The following PLEKHH2 variants were observed in gnomAD, a reference collection of about 807,000 sequenced individuals.
The protein encoded by PLEKHH2 is pleckstrin homology domain-containing family H member 2.
Under a neutral mutation model 187.9 loss-of-function variants are expected in PLEKHH2, and 129 were observed. That is an observed-to-expected ratio of 0.69 (90% CI 0.59 to 0.79). The LOEUF is 0.79. Among genes scored for constraint, PLEKHH2 ranks in the 30% least tolerant of loss-of-function variants. The pLI is 0.00. For missense variants in PLEKHH2, 2,076 were observed against 1,751.2 expected, an observed-to-expected ratio of 1.19 and a Z score of -3.31; for synonymous variants, 686 against 605.6, an observed-to-expected ratio of 1.13 and a Z score of -1.95.
At chr2:43,665,819 C>T (rs2104387264) in intron 2 of PLEKHH2, among the ~76,000 whole-genome samples, 1 of 135,426 alleles carries the variant, frequency 7.4e-6, no homozygotes, top group Middle Eastern at 3.6e-3. Context: ...CTTGAGGAGG[C>T]AGTCTGCCCG....
Position 43,678,895 on chromosome 2 carries a change from T to C in PLEKHH2, c.156T>C (p.Ala52=). The change falls in exon 3 of 30, where the codon GCT becomes GCC. Residue 52 remains alanine (A), a synonymous_variant. Transcript: ENST00000282406. ...MQQLERQVID[A]ERQAEKAFQQ... is the part of the protein sequence containing the mutation. ...AGCTTGAGAGACAAGTTATTGATGC[T>C]GAACGTCAAGCAGAAAAAGCTTTTC... The C allele has an allele frequency of 6.2e-7, 1 of 1,608,460 alleles. No individual in the cohort carries two copies. The highest frequency in any genetic ancestry group is 8.5e-7 in the Non-Finnish European group (1 of 1,176,312).
intron 24 of PLEKHH2, among the ~76,000 whole-genome samples, chr2:43,752,192 G>C (rs1195979669): frequency 6.6e-6 from 1 of 152,096 alleles, no homozygotes; most frequent in African/African-American, 2.4e-5. Context: ...AAAAAGAAAG[G>C]CTTTCATCTT....
At chr2:43,660,491 T>C (rs553299956) in intron 2 of PLEKHH2, among the ~76,000 whole-genome samples, 1 of 146,348 alleles carries the variant, frequency 6.8e-6, no homozygotes, top group African/African-American at 2.7e-5. Flanking sequence ...TTTTATACTT[T>C]AAGTTTTAGG....
chr2:43,733,861 C>T (rs182326916), intron 19 of PLEKHH2, among the ~76,000 whole-genome samples: 1 of 152,200 alleles, frequency 6.6e-6, no homozygotes, highest in East Asian at 1.9e-4. Context: ...AAAATACCCA[C>T]CTGTAGAGTA....
Position 43,678,988 on chromosome 2 carries a change from T to G in PLEKHH2, c.186+63T>G, listed in dbSNP as rs1337440855. The G allele has an allele frequency of 3.1e-5, 36 of 1,148,584 alleles. No individual in the cohort carries two copies. In the South Asian group the frequency reaches 4.5e-4, roughly 14 times the overall value. The allele number at this position is 1,148,584 out of a possible 1,614,324, so 71.1% of individuals were successfully genotyped here. On this transcript the variant is annotated intron_variant, in intron 3 of 29. Coordinates refer to ENST00000282406, the MANE Select transcript of PLEKHH2 (RefSeq NM_172069.4). ...ACTACTCACATAAAGATTGTTTTGCTCATAATGGAAAGACAATTATCAGCC... is the reference window on the plus strand; with the variant it reads ...ACTACTCACATAAAGATTGTTTTGCGCATAATGGAAAGACAATTATCAGCC...
chr2:43,703,707 A>G (rs538079191), intron 8 of PLEKHH2, among the ~76,000 whole-genome samples: 15 of 141,878 alleles, frequency 1.1e-4, no homozygotes, highest in African/African-American at 4.4e-4. Flanking sequence ...GCTTTCTCTT[A>G]CTTTTTCTTC....
chr2:43,765,465 A>C lies in PLEKHH2; in HGVS notation c.4349A>C (p.Gln1450Pro). The C allele has an allele frequency of 1.2e-6, 2 of 1,614,138 alleles. No individual in the cohort carries two copies. The highest frequency in any genetic ancestry group is 1.7e-6 in the Non-Finnish European group (2 of 1,179,998). The stretch of plus-strand genomic sequence containing the variant: ...AGTTACATAAACAACTTCCATCAGC[A>C]AAAGGCAGCATTTCACCACCTCTCT... ...IASYINNFHQ[Q>P]KAAFHHLSAP... Residue 1450 changes from glutamine to proline, a missense_variant, in exon 30 of 30, where the codon CAA becomes CCA. Physicochemically the swap from Gln to Pro is moderately conservative, Grantham distance 76. Transcript: ENST00000282406.
At position 43,765,624 on chromosome 2, in the gene PLEKHH2, C is replaced by G. The variant is rs764470249; in HGVS notation, c.*26C>G. On this transcript the variant is annotated 3_prime_UTR_variant, in exon 30 of 30. Coordinates refer to ENST00000282406, the MANE Select transcript of PLEKHH2 (RefSeq NM_172069.4). ...AAGCTGGGGAGCCTGAACATTCACT[C>G]CTTGTCCTCCATGCTGTGGCTGTAT... 1 of 1,604,940 alleles carries G rather than the reference C, an allele frequency of 6.2e-7. No individual in the cohort carries two copies. Among genetic ancestry groups the G allele is most frequent in the South Asian group, 1.1e-5 (1 of 89,636 alleles).
intron 26 of PLEKHH2, 38 bp downstream of exon 26, chr2:43,757,302 A>C (rs529845402): frequency 3.6e-6 from 5 of 1,391,960 alleles, no homozygotes; most frequent in Non-Finnish European, 4.7e-6. Flanking sequence ...GGGTAGGGTC[A>C]TACTAGTTTT....
intron 19 of PLEKHH2, among the ~76,000 whole-genome samples, chr2:43,733,535 T>C (rs1671148925): frequency 6.6e-6 from 1 of 152,168 alleles, no homozygotes; most frequent in African/African-American, 2.4e-5. Flanking sequence ...TCTTTTGGCT[T>C]TGTCTTGCCT....
intron 15 of PLEKHH2, among the ~76,000 whole-genome samples, chr2:43,720,179 A>G (rs11885893): frequency 0.2 from 29,889 of 152,136 alleles, 3,467 homozygotes; most frequent in Non-Finnish European, 0.26. Context: ...GTGAAACCTC[A>G]GTCCTAGGCA....
chr2:43,740,350 A>G (rs12712896), intron 20 of PLEKHH2, among the ~76,000 whole-genome samples: 16,095 of 152,240 alleles, frequency 0.11, 1,118 homozygotes, highest in African/African-American at 0.2. Context: ...AGCATTAACC[A>G]CCATGTTCTT....
chr2:43,735,605 C>T (rs900523075), intron 19 of PLEKHH2, among the ~76,000 whole-genome samples: 3 of 152,104 alleles, frequency 2.0e-5, no homozygotes, highest in African/African-American at 7.2e-5. Context: ...AAAGAAATTA[C>T]AAATGTTAGA....
chr2:43,685,681 A>G (rs980214199), intron 3 of PLEKHH2, among the ~76,000 whole-genome samples: 3 of 151,698 alleles, frequency 2.0e-5, no homozygotes, highest in Non-Finnish European at 4.4e-5. Context: ...AGCTCAAGCA[A>G]TCCTCCAGCC....
At chr2:43,641,417 G>T (rs757982941) in intron 1 of PLEKHH2, among the ~76,000 whole-genome samples, 2 of 151,956 alleles carry the variant, frequency 1.3e-5, no homozygotes, top group Non-Finnish European at 2.9e-5. Flanking sequence ...TGGCCTGCAG[G>T]CCACAGGCAG....
intron 2 of PLEKHH2, among the ~76,000 whole-genome samples, chr2:43,651,815 G>T (rs1037059874): frequency 6.6e-6 from 1 of 152,166 alleles, no homozygotes; most frequent in Non-Finnish European, 1.5e-5. Context: ...GTATTTGAAA[G>T]TTCCTGGTTC....
chr2:43,706,255 A>T (rs946312850), intron 9 of PLEKHH2, 67 bp from the exon 10 acceptor site: 1 of 1,082,146 alleles, frequency 9.2e-7, no homozygotes, highest in African/African-American at 1.6e-5. Context: ...ATTTGTATTC[A>T]TAAGAAAAAG....
intron 16 of PLEKHH2, 32 bp from the exon 17 acceptor site, chr2:43,726,240 G>GCCTT: frequency 6.9e-7 from 1 of 1,458,930 alleles, no homozygotes; most frequent in Non-Finnish European, 9.5e-7. Context: ...TTTAGAAAAT[G>GCCTT]CCTTCCTCAC....
At chr2:43,666,206 C>G (rs1269619063) in intron 2 of PLEKHH2, among the ~76,000 whole-genome samples, 1 of 150,356 alleles carries the variant, frequency 6.7e-6, no homozygotes, top group African/African-American at 2.5e-5. Flanking sequence ...GTCTGAAAAG[C>G]GCAGTATTCG....
Sources: gnomAD v4.1 joint callset for allele counts (sites outside exome capture counted in the v4.1 genomes callset) on GRCh38, gnomAD v4.1.1 for gene constraint, MANE v1.5 for transcripts, NCBI Gene and HGNC (gene_info 2026-07-23, HGNC 2026-07-21) for gene names.